CYP7B1: variants seen among roughly 807,000 people sequenced by gnomAD.
The protein encoded by CYP7B1 is cytochrome P450 family 7 subfamily B member 1.
CYP7B1 carries 29 observed loss-of-function variants against 42.7 expected under a neutral mutation model. The observed-to-expected ratio is 0.68, with a 90% CI of 0.51 to 0.93. The LOEUF (loss-of-function observed/expected upper bound fraction) is 0.93, where lower values mean the gene tolerates loss of function less well. Among genes scored for constraint, CYP7B1 ranks in the 40% least tolerant of loss-of-function variants. CYP7B1 has a pLI of 0.00. For synonymous variants in CYP7B1, 235 were observed against 218.2 expected (o/e 1.08, Z -0.68); for missense variants, 655 against 600.5 (o/e 1.09, Z -0.95).
At chr8:64,683,864 C>A (rs922067471) in intron 1 of CYP7B1, among the ~76,000 whole-genome samples, 1 of 152,074 alleles carries the variant, frequency 6.6e-6, no homozygotes, top group African/African-American at 2.4e-5. Context: ...CATTTGCACC[C>A]GCAGGTTCTT....
At chr8:64,600,049 A>G (rs1299534915) in intron 5 of CYP7B1, among the ~76,000 whole-genome samples, 1 of 152,254 alleles carries the variant, frequency 6.6e-6, no homozygotes, top group Non-Finnish European at 1.5e-5. Context: ...ATGAATAAAT[A>G]CATGAGAAAA....
chr8:64,645,067 A>G (rs1274817813), intron 1 of CYP7B1, among the ~76,000 whole-genome samples: 2 of 151,728 alleles, frequency 1.3e-5, no homozygotes, highest in Non-Finnish European at 2.9e-5. Flanking sequence ...AATTTCATCC[A>G]TGTCCCTACA....
At chr8:64,711,529 G>A (rs1414010172) in intron 1 of CYP7B1, among the ~76,000 whole-genome samples, 1 of 152,162 alleles carries the variant, frequency 6.6e-6, no homozygotes, top group Non-Finnish European at 1.5e-5. Flanking sequence ...CTGCCTTAAA[G>A]AGGGAAGTCA....
chr8:64,673,722 G>A (rs1319144254), intron 1 of CYP7B1, among the ~76,000 whole-genome samples: 2 of 151,908 alleles, frequency 1.3e-5, no homozygotes, highest in Non-Finnish European at 2.9e-5. Flanking sequence ...CATAATAAAC[G>A]GGCAGACAAG....
chr8:64,728,661 A>G (rs939457162), intron 1 of CYP7B1, among the ~76,000 whole-genome samples: 1 of 152,216 alleles, frequency 6.6e-6, no homozygotes, highest in Non-Finnish European at 1.5e-5. Flanking sequence ...ATGTTCAGTA[A>G]ATGTTGGTTG....
chr8:64,604,927 T>A, intron 4 of CYP7B1, 70 bp from the exon 5 acceptor site: 1 of 1,478,878 alleles, frequency 6.8e-7, no homozygotes. Context: ...CAGTTTGCAA[T>A]AAAACTCATT....
rs187672456 is a variant in CYP7B1 at position 64,766,418 on chromosome 8, T to C, written c.122+32048A>G. Among the ~76,000 whole-genome samples, 447 of 152,178 alleles carry C rather than the reference T, an allele frequency of 2.9e-3. 3 individuals carry two copies. Among genetic ancestry groups the C allele is most frequent in the South Asian group, 0.029 (141 of 4,818 alleles). Reference sequence around the variant, plus strand: ...TAGAAAAAACTTCAAAAGTCTGCCTTAGGCCCAGAGCAAAACTTAGAAACC... The same window carrying C: ...TAGAAAAAACTTCAAAAGTCTGCCTCAGGCCCAGAGCAAAACTTAGAAACC... On this transcript the variant is annotated intron_variant, in intron 1 of 5. Transcript: ENST00000310193.
chr8:64,783,483 A>G (rs11992601), intron 1 of CYP7B1, among the ~76,000 whole-genome samples: 40,755 of 151,626 alleles, frequency 0.27, 6,756 homozygotes, highest in African/African-American at 0.47. Context: ...TGGAGAGGGG[A>G]GTATAATGAT....
intron 1 of CYP7B1, among the ~76,000 whole-genome samples, chr8:64,765,303 A>G (rs1049989865): frequency 2.0e-5 from 3 of 152,264 alleles, no homozygotes; most frequent in Non-Finnish European, 4.4e-5. Context: ...GTCCACAGAC[A>G]TAAAGGAAGT....
At chr8:64,664,013 C>G (rs1171317365) in intron 1 of CYP7B1, among the ~76,000 whole-genome samples, 2 of 152,190 alleles carry the variant, frequency 1.3e-5, no homozygotes, top group Non-Finnish European at 2.9e-5. Flanking sequence ...CACACACGCT[C>G]TGCCCCCTCC....
At chr8:64,599,487 C>G (rs111528038) in intron 5 of CYP7B1, among the ~76,000 whole-genome samples, 3,568 of 152,258 alleles carry the variant, frequency 0.023, 140 homozygotes, top group African/African-American at 0.08. Context: ...TGTGTCCGGC[C>G]GCTGATTGAA....
chr8:64,792,405 G>A (rs948915754), intron 1 of CYP7B1, among the ~76,000 whole-genome samples: 19 of 152,138 alleles, frequency 1.2e-4, no homozygotes, highest in African/African-American at 4.3e-4. Flanking sequence ...ATATTACTGC[G>A]AGGAAACAGT....
At chr8:64,660,372 A>C (rs1806183885) in intron 1 of CYP7B1, among the ~76,000 whole-genome samples, 1 of 152,222 alleles carries the variant, frequency 6.6e-6, no homozygotes, top group Non-Finnish European at 1.5e-5. Context: ...CATACCAGGC[A>C]TGGCTTAGAG....
chr8:64,606,142 T>A (rs998234576), intron 4 of CYP7B1, among the ~76,000 whole-genome samples: 4 of 152,196 alleles, frequency 2.6e-5, no homozygotes, highest in African/African-American at 9.6e-5. Context: ...CAATGTGACG[T>A]ACAGTGAGGC....
intron 1 of CYP7B1, among the ~76,000 whole-genome samples, chr8:64,724,394 G>A (rs1025827057): frequency 6.6e-6 from 1 of 152,034 alleles, no homozygotes; most frequent in South Asian, 2.1e-4. Context: ...TGATCCACCC[G>A]CCTCAGCCTC....
intron 1 of CYP7B1, among the ~76,000 whole-genome samples, chr8:64,767,357 C>T (rs574498034): frequency 2.6e-5 from 4 of 152,258 alleles, no homozygotes; most frequent in Admixed American, 6.5e-5. Context: ...AACTGCCAAG[C>T]GGATATTGAA....
intron 1 of CYP7B1, among the ~76,000 whole-genome samples, chr8:64,733,536 C>T (rs1003596739): frequency 3.9e-5 from 6 of 152,164 alleles, no homozygotes; most frequent in East Asian, 1.9e-4. Flanking sequence ...TCCACATGCA[C>T]AGGACAGCTC....
rs1337229440 is a variant in CYP7B1 at position 64,604,785 on chromosome 8, G to A, written c.1130C>T (p.Thr377Ile). Residue 377 changes from threonine to isoleucine, a missense_variant, in exon 5 of 6, where the codon ACT becomes ATT. By Grantham distance (89) the Thr-to-Ile change is moderately conservative. Coordinates refer to ENST00000310193, the MANE Select transcript of CYP7B1 (RefSeq NM_004820.5). ...GTAGTCCCCGGTCTCTGAACTGAGA[G>A]TCAAATCCTCCTCAACAAAACGAAT... ...TTIRFVEEDL[T>I]LSSETGDYCV... 8 of 1,614,164 alleles carry A rather than the reference G, an allele frequency of 5.0e-6. No homozygotes were observed. Among genetic ancestry groups the A allele is most frequent in the Non-Finnish European group, 6.8e-6 (8 of 1,180,030 alleles).
At chr8:64,666,575 G>A (rs935235059) in intron 1 of CYP7B1, among the ~76,000 whole-genome samples, 1 of 152,118 alleles carries the variant, frequency 6.6e-6, no homozygotes, top group Non-Finnish European at 1.5e-5. Flanking sequence ...AAGTGTGTCT[G>A]ACCCCTGGGG....
Sources: gnomAD v4.1 joint callset for allele counts (sites outside exome capture counted in the v4.1 genomes callset) on GRCh38, gnomAD v4.1.1 for gene constraint, MANE v1.5 for transcripts, NCBI Gene and HGNC (gene_info 2026-07-23, HGNC 2026-07-21) for gene names.